The following FAM240C variants were observed in gnomAD, a reference collection of about 807,000 sequenced individuals.
The protein encoded by FAM240C is family with sequence similarity 240 member C.
FAM240C carries 14 observed loss-of-function variants against 10.0 expected under a neutral mutation model. That is an observed-to-expected ratio of 1.40 (90% confidence interval 0.92 to 2.19). The LOEUF (loss-of-function observed/expected upper bound fraction) is 2.19. Among genes scored for constraint, FAM240C ranks in the 30% most tolerant of loss-of-function variants. The pLI is 0.00. For synonymous variants in FAM240C, 49 were observed against 44.3 expected (o/e 1.11, Z -0.42); for missense variants, 154 against 122.3 (o/e 1.26, Z -1.22).
chr2:241,896,599 GAA>G (rs1245153338), intron 2 of FAM240C, among the ~76,000 whole-genome samples: 4 of 119,042 alleles, frequency 3.4e-5, no homozygotes, highest in African/African-American at 6.3e-5. Flanking sequence ...GGGTGTGGGT[GAA>G]GGGGTGTGGG....
At chr2:241,901,675 G>T (rs922949262), upstream of FAM240C, among the ~76,000 whole-genome samples, 1 of 152,200 alleles carries the variant, frequency 6.6e-6, no homozygotes, top group Non-Finnish European at 1.5e-5. The surrounding 1 kb of genome is among the most constrained non-coding windows in gnomAD (Gnocchi z 4.9). Context: ...GGCAGCGCGG[G>T]TGGAAGACGC....
In FAM240C at chr2:241,897,249, AT is replaced by A; in HGVS notation, c.97del (p.Ile33SerfsTer20). 4 of 1,549,804 alleles carry A rather than the reference AT, an allele frequency of 2.6e-6. No homozygotes were observed. Among genetic ancestry groups the A allele is most frequent in the Non-Finnish European group, 3.5e-6 (4 of 1,146,510 alleles). On this transcript the variant is annotated frameshift_variant, in exon 2 of 3. Coordinates refer to ENST00000404031, the MANE Select transcript of FAM240C (RefSeq NM_001382368.1). LOFTEE classifies it high-confidence loss of function. ...GGIKMFWEKK[I>X]EHHARHLQNE... ...CTGCAGGTGTCTTGCGTGATGCTCG[AT>A]TTTTTTCTCCCAAAACATCTTTATC... is the stretch of plus-strand genomic sequence containing the variant.
At position 241,897,354 on chromosome 2, in the gene FAM240C, G is replaced by T; in HGVS notation, c.13-20C>A. On this transcript the variant is annotated intron_variant, in intron 1 of 2. Coordinates refer to ENST00000404031, the MANE Select transcript of FAM240C (RefSeq NM_001382368.1). ...CATGTTCTGGAAAATAAAAAGTGGA[G>T]AAGAGCTCAGTCACCTTATGCCATT... The T allele has an allele frequency of 6.5e-7, 1 of 1,548,566 alleles. No homozygotes were observed. The highest frequency in any genetic ancestry group is 8.7e-7 in the Non-Finnish European group (1 of 1,145,720).
chr2:241,897,786 A>G (rs1349789950), intron 1 of FAM240C, among the ~76,000 whole-genome samples: 2 of 152,162 alleles, frequency 1.3e-5, no homozygotes, highest in East Asian at 3.9e-4. Flanking sequence ...CCAGGCTGCA[A>G]TGCAGTGGTG....
chr2:241,894,537 G>A lies in FAM240C; in HGVS notation c.162-198C>T, dbSNP rs191953788. On this transcript the variant is annotated intron_variant, in intron 2 of 2. Coordinates refer to ENST00000404031, the MANE Select transcript of FAM240C (RefSeq NM_001382368.1). The stretch of plus-strand genomic sequence containing the variant: ...GTCTCCCAGGGCCCTGGGATCTCGT[G>A]GCCGGCCTTGGCTCAGGCTGCTGAC... 6.7e-3 allele frequency among the ~76,000 whole-genome samples: 938 copies of A among 140,660 alleles called. 16 individuals carry two copies. Among genetic ancestry groups the A allele is most frequent in the African/African-American group, 0.024 (883 of 37,550 alleles). The allele number at this position is 140,660 out of a possible 152,430, so 92.3% of individuals were successfully genotyped here.
At chr2:241,901,433 C>A (rs1345332086), upstream of FAM240C, among the ~76,000 whole-genome samples, 1 of 152,208 alleles carries the variant, frequency 6.6e-6, no homozygotes, top group Non-Finnish European at 1.5e-5. This position sits in a 1 kb window ranked among gnomAD's most constrained non-coding sequence, Gnocchi z 4.9. Flanking sequence ...CGTTTACTAT[C>A]ATAAAGCAGA....
At chr2:241,897,949 G>A (rs746567597) in intron 1 of FAM240C, among the ~76,000 whole-genome samples, 10 of 152,182 alleles carry the variant, frequency 6.6e-5, no homozygotes, top group Non-Finnish European at 1.2e-4. Flanking sequence ...TGCCCAGGCC[G>A]GTCTTGAGCT....
chr2:241,894,401 G>T, intron 2 of FAM240C, 62 bp from the exon 3 acceptor site: 1 of 1,500,416 alleles, frequency 6.7e-7, no homozygotes. Context: ...TGACGGCCAA[G>T]CCCGTGTCTC....
chr2:241,897,486 C>T (rs1701881349), intron 1 of FAM240C, among the ~76,000 whole-genome samples, 152 bp from the exon 2 acceptor site: 1 of 152,094 alleles, frequency 6.6e-6, no homozygotes, highest in Non-Finnish European at 1.5e-5. Context: ...CGGAGGCTGC[C>T]CTCTGAGACT....
chr2:241,897,425 G>A (rs1317244177), intron 1 of FAM240C, 91 bp from the exon 2 acceptor site: 2 of 1,435,866 alleles, frequency 1.4e-6, no homozygotes, highest in East Asian at 2.5e-5. Flanking sequence ...CAGAGGAGCT[G>A]GCTCAGCCTG....
upstream of FAM240C, among the ~76,000 whole-genome samples, chr2:241,901,014 G>A (rs1435815446): frequency 6.6e-6 from 1 of 152,100 alleles, no homozygotes; most frequent in African/African-American, 2.4e-5. The surrounding 1 kb of genome is among the most constrained non-coding windows in gnomAD (Gnocchi z 4.9). Flanking sequence ...TCCAGACCTT[G>A]GTCCAGAGAC....
At chr2:241,899,209 C>T (rs749139173) in intron 1 of FAM240C, 20 of 1,303,748 alleles carry the variant, frequency 1.5e-5, no homozygotes, top group Non-Finnish European at 2.0e-5. Context: ...CTTGATGTGA[C>T]CCCTGGCTGG....
chr2:241,901,793 G>C (rs895829237), upstream of FAM240C, among the ~76,000 whole-genome samples: 4 of 152,244 alleles, frequency 2.6e-5, no homozygotes, highest in African/African-American at 9.6e-5. This position sits in a 1 kb window ranked among gnomAD's most constrained non-coding sequence, Gnocchi z 4.9. Flanking sequence ...TCTCCAGCAG[G>C]ACTGCGTTTT....
chr2:241,900,123 A>C lies in FAM240C; in HGVS notation c.12+235T>G, dbSNP rs1701946390. 6.6e-6 allele frequency among the ~76,000 whole-genome samples: 1 copy of C among 152,168 alleles called. No homozygotes were observed. Among genetic ancestry groups the C allele is most frequent in the African/African-American group, 2.4e-5 (1 of 41,450 alleles). On this transcript the variant is annotated intron_variant, in intron 1 of 2. Transcript: ENST00000404031. This position sits in a 1 kb window ranked among gnomAD's most constrained non-coding sequence, Gnocchi z 4.5. ...AACAATGACAACAACAGACACACAAAGGGGTGCGTGTTGTGAGGCAGGTGA... is the reference window on the plus strand; with the variant it reads ...AACAATGACAACAACAGACACACAACGGGGTGCGTGTTGTGAGGCAGGTGA...
At chr2:241,896,786 G>C (rs1336502330) in intron 2 of FAM240C, among the ~76,000 whole-genome samples, 2 of 45,752 alleles carry the variant, frequency 4.4e-5, no homozygotes, top group Non-Finnish European at 7.4e-5. Flanking sequence ...GTGGGTGAAG[G>C]GGGTGTGGGT....
intron 1 of FAM240C, chr2:241,899,410 T>A: frequency 2.3e-6 from 2 of 883,276 alleles, no homozygotes; most frequent in Non-Finnish European, 1.4e-6. Context: ...CGCCTGCCTG[T>A]GCTGAGGACG....
In FAM240C at chr2:241,897,481, G is replaced by C. The variant is rs949003771; in HGVS notation, c.13-147C>G. ...TCCTGGTTCGTGGGGGATGGCGGAG[G>C]CTGCCCTCTGAGACTCAGGCCTCAG... On this transcript the variant is annotated intron_variant, in intron 1 of 2. Transcript: ENST00000404031. The C allele has an allele frequency of 1.1e-5, 11 of 966,098 alleles. No individual in the cohort carries two copies. In the South Asian group the frequency reaches 1.7e-4, roughly 15 times the overall value. The allele number at this position is 966,098 out of a possible 1,614,324, so 59.8% of individuals were successfully genotyped here.
chr2:241,900,344 CACAGAGAGCTT>C lies in FAM240C; in HGVS notation c.12+3_12+13del. 1 of 717,344 alleles carries C rather than the reference CACAGAGAGCTT, an allele frequency of 1.4e-6. No individual in the cohort carries two copies. Among genetic ancestry groups the C allele is most frequent in the Non-Finnish European group, 2.6e-6 (1 of 385,064 alleles). 44.4% of individuals were successfully genotyped at this position (717,344 alleles called of 1,614,324 possible). On this transcript the variant is annotated splice_donor_5th_base_variant and intron_variant, in intron 1 of 2. Coordinates refer to ENST00000404031, the MANE Select transcript of FAM240C (RefSeq NM_001382368.1). The surrounding 1 kb of genome is among the most constrained non-coding windows in gnomAD (Gnocchi z 4.5). ...CAAGCAAGGACAGCGCCTGTCACATCACAGAGAGCTTACTTTTCCAACCATTTCTCAGTGAC... is the reference window on the plus strand; with the variant it reads ...CAAGCAAGGACAGCGCCTGTCACATCACTTTTCCAACCATTTCTCAGTGAC...
intron 1 of FAM240C, among the ~76,000 whole-genome samples, chr2:241,898,054 C>G (rs1420641386): frequency 6.6e-6 from 1 of 152,174 alleles, no homozygotes; most frequent in Non-Finnish European, 1.5e-5. Context: ...TCTCTCGACA[C>G]CTGGTTATTG....
Sources: allele counts gnomAD v4.1 joint callset (sites outside exome capture counted in the v4.1 genomes callset), GRCh38; gene constraint gnomAD v4.1.1; non-coding constraint Gnocchi (gnomAD v3.1); transcripts MANE v1.5; gene names NCBI Gene and HGNC (gene_info 2026-07-23, HGNC 2026-07-21).